SFI1: variants seen among roughly 807,000 people sequenced by gnomAD.
SFI1 encodes protein SFI1 homolog.
In SFI1, 195 loss-of-function variants were observed where a neutral mutation model predicts 207.5. The observed-to-expected ratio is 0.94, with a 90% CI of 0.84 to 1.06. The LOEUF (loss-of-function observed/expected upper bound fraction) is 1.06. Ranked by LOEUF, SFI1 falls within the 50% of genes least tolerant of loss-of-function variation. The probability of loss-of-function intolerance (pLI) is 0.00; values close to 1 mark genes in which losing one functional copy is unlikely to be tolerated. For missense variants in SFI1, 1,634 were observed against 1,588.0 expected, an observed-to-expected ratio of 1.03 and a Z score of -0.49; for synonymous variants, 630 against 598.9, an observed-to-expected ratio of 1.05 and a Z score of -0.76.
At chr22:31,568,169 G>A (rs865825695) in intron 8 of SFI1, among the ~76,000 whole-genome samples, 12 of 113,020 alleles carry the variant, frequency 1.1e-4, no homozygotes, top group African/African-American at 3.9e-4. Context: ...ATATATATGT[G>A]TGTGTGTGTG....
chr22:31,593,055 C>A (rs1282780623), intron 15 of SFI1, among the ~76,000 whole-genome samples: 1 of 139,492 alleles, frequency 7.2e-6, no homozygotes, highest in Non-Finnish European at 1.6e-5. Flanking sequence ...ACCTCCCTCC[C>A]GGACGGCACG....
intron 8 of SFI1, among the ~76,000 whole-genome samples, chr22:31,565,598 C>A (rs2062215244): frequency 6.6e-6 from 1 of 151,712 alleles, no homozygotes; most frequent in Admixed American, 6.6e-5. Flanking sequence ...ACTTGGGAGG[C>A]TTAGGTTGGA....
intron 2 of SFI1, among the ~76,000 whole-genome samples, chr22:31,512,255 T>C (rs1194393247): frequency 2.0e-5 from 3 of 150,654 alleles, no homozygotes; most frequent in Admixed American, 6.6e-5. Context: ...TTGGGGAGGC[T>C]GAGGCAGAAG....
rs769787728 is a variant in SFI1, at chr22:31,615,148, C to G, written c.3169C>G (p.His1057Asp). 1.4e-5 allele frequency: 23 copies of G among 1,608,018 alleles called. No individual in the cohort carries two copies. The highest frequency in any genetic ancestry group is 1.7e-5 in the Non-Finnish European group (20 of 1,177,684). Reference protein sequence around the residue: ...LAEAPTALVPHSPLPGALSSA... With the variant: ...LAEAPTALVPDSPLPGALSSA... ...AGAGGCCCCGACAGCACTGGTCCCACACAGCCCCCTGCCTGGGGCCCTGTC... is the reference window on the plus strand; with the variant it reads ...AGAGGCCCCGACAGCACTGGTCCCAGACAGCCCCCTGCCTGGGGCCCTGTC... Residue 1057 changes from histidine to aspartate, a missense_variant, in exon 29 of 33, where the codon CAC becomes GAC. By Grantham distance (81) the His-to-Asp change is moderately conservative. Transcript: ENST00000400288.
At chr22:31,530,203 A>AAAAT (rs1569227870) in intron 3 of SFI1, among the ~76,000 whole-genome samples, 6 of 127,812 alleles carry the variant, frequency 4.7e-5, no homozygotes, top group African/African-American at 1.8e-4. Flanking sequence ...AAAAAAAAAA[A>AAAAT]GACAAGGCCG....
At chr22:31,559,847 C>T in intron 7 of SFI1, 1 of 687,240 alleles carries the variant, frequency 1.5e-6, no homozygotes, top group Non-Finnish European at 2.7e-6. Flanking sequence ...CCATAGAGGA[C>T]CGCACCACTT....
chr22:31,604,306 C>T lies in SFI1; in HGVS notation c.1882-3C>T. On this transcript the variant is annotated splice_region_variant and splice_polypyrimidine_tract_variant and intron_variant, in intron 18 of 32. Coordinates refer to ENST00000400288, the MANE Select transcript of SFI1 (RefSeq NM_001007467.3). ...CGGTAGCTGCTTTCTCCTCTGTCTGCAGTGCCTGGCCCTGCGGGGAGCGGA... is the reference window on the plus strand; with the variant it reads ...CGGTAGCTGCTTTCTCCTCTGTCTGTAGTGCCTGGCCCTGCGGGGAGCGGA... 6.4e-7 allele frequency: 1 copy of T among 1,569,340 alleles called. No individual in the cohort carries two copies.
At chr22:31,612,746 AAAAATT>A (rs960648261) in intron 24 of SFI1, 4 of 174,026 alleles carry the variant, frequency 2.3e-5, no homozygotes, top group African/African-American at 9.4e-5. Flanking sequence ...ATAATATCTT[AAAAATT>A]AACATGAAAT....
At chr22:31,540,122 C>T (rs1016504780) in intron 4 of SFI1, among the ~76,000 whole-genome samples, 1 of 123,002 alleles carries the variant, frequency 8.1e-6, no homozygotes, top group Non-Finnish European at 1.6e-5. Context: ...CTCTGAAGGC[C>T]TTTCCCCTTA....
At chr22:31,520,980 G>A (rs370815881) in intron 2 of SFI1, among the ~76,000 whole-genome samples, 1 of 138,860 alleles carries the variant, frequency 7.2e-6, no homozygotes, top group African/African-American at 2.7e-5. Flanking sequence ...TCCAGCCTGG[G>A]CAACAGAGCC....
intron 2 of SFI1, among the ~76,000 whole-genome samples, chr22:31,517,926 A>G (rs1047336804): frequency 2.0e-5 from 3 of 152,168 alleles, no homozygotes; most frequent in Non-Finnish European, 2.9e-5. Flanking sequence ...TTGTAATTCT[A>G]TGAAAGCTTC....
chr22:31,613,107 GC>G, intron 24 of SFI1, 34 bp from the exon 25 acceptor site: 1 of 1,608,638 alleles, frequency 6.2e-7, no homozygotes, highest in South Asian at 1.1e-5. Context: ...CCTTGAAGGG[GC>G]TATAGGGAAA....
intron 12 of SFI1, among the ~76,000 whole-genome samples, chr22:31,582,280 C>T (rs1205298533): frequency 1.0e-5 from 1 of 98,820 alleles, no homozygotes; most frequent in Non-Finnish European, 1.9e-5. Flanking sequence ...AACCGGGTCT[C>T]GCTCTCGCCC....
chr22:31,618,409 C>T lies in SFI1; in HGVS notation c.3720C>T (p.Ala1240=). The T allele has an allele frequency of 6.3e-7, 1 of 1,589,942 alleles. No individual in the cohort carries two copies. The highest frequency in any genetic ancestry group is 1.1e-5 in the South Asian group (1 of 89,028). ...CCCGCATCCAGGCCCTGCGGCAGGC[C>T]CTGTGCTAGCGTGTTCGCACCAGGA... is the stretch of plus-strand genomic sequence containing the variant. ...CVARIQALRQ[A]LC Residue 1240 remains alanine, a synonymous_variant, in exon 33 of 33, where the codon GCC becomes GCT. Coordinates refer to ENST00000400288, the MANE Select transcript of SFI1 (RefSeq NM_001007467.3).
In SFI1 at chr22:31,613,395, A is replaced by G. The variant is rs1481196743; in HGVS notation, c.2607A>G (p.Arg869=). ...TGGCCTTTGTACTGGAAAGGAGGAGAAAGAAGGCGCGGCTGCAGTGGGCGC... is the reference window on the plus strand; with the variant it reads ...TGGCCTTTGTACTGGAAAGGAGGAGGAAGAAGGCGCGGCTGCAGTGGGCGC... The part of the protein sequence containing the change: ...TWLAFVLERR[R]KKARLQWALQ... The change falls in exon 26 of 33, where the codon AGA becomes AGG. Residue 869 remains arginine, a synonymous_variant. Coordinates refer to ENST00000400288, the MANE Select transcript of SFI1 (RefSeq NM_001007467.3). 1 of 1,611,654 alleles carries G rather than the reference A, an allele frequency of 6.2e-7. No homozygotes were observed. Among genetic ancestry groups the G allele is most frequent in the African/African-American group, 1.3e-5 (1 of 75,022 alleles).
chr22:31,509,860 A>C (rs1372139052), intron 2 of SFI1, among the ~76,000 whole-genome samples: 1 of 152,064 alleles, frequency 6.6e-6, no homozygotes, highest in Non-Finnish European at 1.5e-5. Flanking sequence ...GTCTCAATGA[A>C]TTTGGAAGTG....
At chr22:31,534,839 G>T (rs1250362716) in intron 4 of SFI1, among the ~76,000 whole-genome samples, 8 of 146,362 alleles carry the variant, frequency 5.5e-5, no homozygotes, top group Admixed American at 2.0e-4. Flanking sequence ...GTGTTATTCT[G>T]CTCCTTATCT....
intron 15 of SFI1, among the ~76,000 whole-genome samples, chr22:31,591,284 G>C (rs1263297827): frequency 6.6e-6 from 1 of 151,978 alleles, no homozygotes; most frequent in Non-Finnish European, 1.5e-5. Flanking sequence ...AGGGTTGGGG[G>C]TAAGGTCACA....
intron 14 of SFI1, among the ~76,000 whole-genome samples, chr22:31,589,203 T>C (rs912250331): frequency 7.7e-5 from 5 of 64,590 alleles, no homozygotes; most frequent in Non-Finnish European, 1.8e-4. Flanking sequence ...AGTGTGTGTA[T>C]GTGTGTGCGT....
Sources: allele counts gnomAD v4.1 joint callset (sites outside exome capture counted in the v4.1 genomes callset), GRCh38; gene constraint gnomAD v4.1.1; transcripts MANE v1.5; gene names NCBI Gene and HGNC (gene_info 2026-07-23, HGNC 2026-07-21).